The following PREX1 variants were observed in gnomAD, a reference collection of about 807,000 sequenced individuals.
PREX1 encodes the protein phosphatidylinositol-3,4,5-trisphosphate dependent Rac exchange factor 1, also known as phosphatidylinositol 3,4,5-trisphosphate-dependent Rac exchanger 1 protein.
In PREX1, 41 loss-of-function variants were observed where a neutral mutation model predicts 198.3. The ratio of observed to expected loss-of-function variants is 0.21; its 90% CI spans 0.16 to 0.27. The LOEUF is 0.27. PREX1 is among the 10% of genes least tolerant of loss of function. PREX1 has a pLI of 1.00. For missense variants in PREX1, 1,620 were observed against 2,200.7 expected, an observed-to-expected ratio of 0.74 and a Z score of 5.28; for synonymous variants, 843 against 887.2, an observed-to-expected ratio of 0.95 and a Z score of 0.89.
At chr20:48,803,283 G>C (rs1352741997) in intron 1 of PREX1, among the ~76,000 whole-genome samples, 1 of 152,070 alleles carries the variant, frequency 6.6e-6, no homozygotes, top group South Asian at 2.1e-4. Flanking sequence ...GCCCATCCAG[G>C]GACCCCAAGC....
chr20:48,850,596 G>A, the PREX1 span, among the ~76,000 whole-genome samples: 18 of 152,212 alleles, frequency 1.2e-4, no homozygotes, highest in East Asian at 3.3e-3. Context: ...ATATCTTGAA[G>A]GAGAGAGAAA....
chr20:48,667,729 G>A (rs568853169), intron 14 of PREX1, among the ~76,000 whole-genome samples: 42 of 152,348 alleles, frequency 2.8e-4, no homozygotes, highest in African/African-American at 9.9e-4. Flanking sequence ...GAATGAACAG[G>A]CACGGCCCGT....
chr20:48,783,303 CAG>C (rs2090298121), intron 1 of PREX1, among the ~76,000 whole-genome samples: 3 of 152,020 alleles, frequency 2.0e-5, no homozygotes, highest in African/African-American at 7.2e-5. Flanking sequence ...GAGACAGAAA[CAG>C]AGGATGGAGA....
chr20:48,791,589 C>T (rs75582647), intron 1 of PREX1, among the ~76,000 whole-genome samples: 2 of 152,184 alleles, frequency 1.3e-5, no homozygotes, highest in Non-Finnish European at 2.9e-5. Context: ...CCCACCGTCC[C>T]AGTGATGGGT....
At chr20:48,664,422 C>T (rs1473777938) in intron 15 of PREX1, among the ~76,000 whole-genome samples, 4 of 150,374 alleles carry the variant, frequency 2.7e-5, no homozygotes, top group Admixed American at 6.6e-5. Context: ...AGAGTGATGA[C>T]GGGGAGGAGC....
At chr20:48,831,196 C>A (rs901749912), upstream of PREX1, among the ~76,000 whole-genome samples, 1 of 152,230 alleles carries the variant, frequency 6.6e-6, no homozygotes, top group African/African-American at 2.4e-5. Context: ...GAAGAAGACT[C>A]TGTCTCCTCT....
intron 6 of PREX1, among the ~76,000 whole-genome samples, chr20:48,701,808 G>A (rs2089876349): frequency 6.6e-6 from 1 of 152,192 alleles, no homozygotes; most frequent in Non-Finnish European, 1.5e-5. Flanking sequence ...TGAGCAGCAG[G>A]GGAAGGGGTG....
At chr20:48,687,777 G>A (rs974845134) in intron 10 of PREX1, among the ~76,000 whole-genome samples, 3 of 152,040 alleles carry the variant, frequency 2.0e-5, no homozygotes, top group East Asian at 1.9e-4. Context: ...TACCTCTCCC[G>A]TGCCCCAGCC....
At chr20:48,778,336 G>A (rs191647734) in intron 1 of PREX1, among the ~76,000 whole-genome samples, 3 of 152,120 alleles carry the variant, frequency 2.0e-5, no homozygotes, top group African/African-American at 7.2e-5. Context: ...CACTTTGGGA[G>A]GCCAAGGCGG....
rs41283558 is a variant in PREX1, at chr20:48,652,695, C to G, written c.2358G>C (p.Gln786His). ...SRREEALGLY[Q>H]WIYHTHEDAQ... Reference sequence around the variant, plus strand: ...CATCCTCATGGGTGTGGTAGATCCACTGGTACAGGCCCTGCCAGAAGCCAG... The same window carrying G: ...CATCCTCATGGGTGTGGTAGATCCAGTGGTACAGGCCCTGCCAGAAGCCAG... The change falls in exon 21 of 40, where the codon CAG becomes CAC. Residue 786 changes from glutamine (Q) to histidine (H), a missense_variant. Around this residue, in one of 7 missense-constraint regions of PREX1, gnomAD observed 514 missense variants for 611.6 expected, o/e 0.84. Transcript: ENST00000371941. 305,785 of 1,612,066 alleles carry G rather than the reference C, an allele frequency of 0.19. 30,699 individuals are homozygous for G. Among genetic ancestry groups the G allele is most frequent in the Middle Eastern group, 0.29 (1,759 of 6,046 alleles).
chr20:48,884,137 T>TAAA, the PREX1 span, among the ~76,000 whole-genome samples: 1,758 of 118,904 alleles, frequency 0.015, 22 homozygotes, highest in Non-Finnish European at 0.022. Flanking sequence ...AAACTCCGTC[T>TAAA]AAAAAAAAAA....
the PREX1 span, among the ~76,000 whole-genome samples, chr20:48,864,707 G>A: frequency 6.6e-6 from 1 of 152,204 alleles, no homozygotes; most frequent in Non-Finnish European, 1.5e-5. Context: ...ACAGAGCCCA[G>A]CTGAACCCTG....
intron 13 of PREX1, 85 bp from the exon 14 acceptor site, chr20:48,676,353 C>T: frequency 7.8e-7 from 1 of 1,288,318 alleles, no homozygotes; most frequent in South Asian, 1.2e-5. Flanking sequence ...GCAGGACGTG[C>T]CCACGAGTCA....
chr20:48,818,724 T>G (rs1248697071), intron 1 of PREX1, among the ~76,000 whole-genome samples: 1 of 152,036 alleles, frequency 6.6e-6, no homozygotes, highest in African/African-American at 2.4e-5. Flanking sequence ...GAGGGTGGAG[T>G]ACCGATCCCG....
At chr20:48,683,778 C>T (rs1255653789) in intron 10 of PREX1, among the ~76,000 whole-genome samples, 1 of 152,154 alleles carries the variant, frequency 6.6e-6, no homozygotes, top group African/African-American at 2.4e-5. Context: ...TCGAGTCCAA[C>T]ATTTTCTGAA....
intron 28 of PREX1, 40 bp downstream of exon 28, chr20:48,642,366 AG>A (rs1307529293): frequency 1.2e-6 from 2 of 1,606,122 alleles, no homozygotes. Context: ...GTGTGACAGG[AG>A]GAACCCAAAG....
chr20:48,846,379 GTT>G, the PREX1 span, among the ~76,000 whole-genome samples: 1 of 152,202 alleles, frequency 6.6e-6, no homozygotes, highest in Non-Finnish European at 1.5e-5. Flanking sequence ...TCTCCAGCAG[GTT>G]TTTGAACTTG....
chr20:48,715,991 C>T (rs1235246361), intron 5 of PREX1, among the ~76,000 whole-genome samples: 1 of 152,118 alleles, frequency 6.6e-6, no homozygotes, highest in African/African-American at 2.4e-5. Context: ...CATCTACAGG[C>T]CCCTCTAGAA....
At chr20:48,851,746 TC>T in the PREX1 span, among the ~76,000 whole-genome samples, 6 of 152,070 alleles carry the variant, frequency 3.9e-5, no homozygotes, top group African/African-American at 7.2e-5. Context: ...TAGGCTTCAA[TC>T]CCCCAGCATG....
Sources: allele counts gnomAD v4.1 joint callset (sites outside exome capture counted in the v4.1 genomes callset), GRCh38; gene constraint gnomAD v4.1.1; regional missense constraint gnomAD v4.1.1; transcripts MANE v1.5; gene names NCBI Gene and HGNC (gene_info 2026-07-23, HGNC 2026-07-21).